DOK5: variants seen among roughly 807,000 people sequenced by gnomAD.
DOK5 encodes downstream of tyrosine kinase 5.
DOK5 carries 27 observed loss-of-function variants against 43.3 expected under a neutral mutation model. That is an observed-to-expected ratio of 0.62 (90% CI 0.46 to 0.86). The LOEUF (loss-of-function observed/expected upper bound fraction) is 0.86. Ranked by LOEUF, DOK5 falls within the 40% of genes least tolerant of loss-of-function variation. The pLI is 0.00. For missense variants in DOK5, 373 were observed against 392.9 expected (o/e 0.95, Z 0.43); for synonymous variants, 146 against 140.1 (o/e 1.04, Z -0.30).
At chr20:54,620,956 A>T (rs1986957010) in intron 6 of DOK5, among the ~76,000 whole-genome samples, 1 of 152,238 alleles carries the variant, frequency 6.6e-6, no homozygotes, top group South Asian at 2.1e-4. Flanking sequence ...GGGACAGATT[A>T]TGGCACATGA....
At chr20:54,648,595 G>A (rs536752635) in intron 7 of DOK5, among the ~76,000 whole-genome samples, 1 of 152,130 alleles carries the variant, frequency 6.6e-6, no homozygotes, top group South Asian at 2.1e-4. Flanking sequence ...TCAGAAATGA[G>A]CTGCGGGCAT....
rs1289668902 is a variant in DOK5, at chr20:54,621,560, G to T, written c.735+11037G>T. On this transcript the variant is annotated intron_variant, in intron 6 of 7. Coordinates refer to ENST00000262593, the MANE Select transcript of DOK5 (RefSeq NM_018431.5). ...TACAATTAGCCAGGCATGGTGGCAG[G>T]TGCCTGTAATCCCAGCTACTTGGGA... Among the ~76,000 whole-genome samples, 5 of 152,090 alleles carry T rather than the reference G, an allele frequency of 3.3e-5. No individual in the cohort carries two copies. The East Asian group carries it at 9.7e-4, about 29-fold the overall frequency.
At chr20:54,555,838 T>G (rs1325599231) in intron 2 of DOK5, among the ~76,000 whole-genome samples, 2 of 152,214 alleles carry the variant, frequency 1.3e-5, no homozygotes, top group African/African-American at 4.8e-5. Context: ...AAGCCTCATT[T>G]GGTGAGAATT....
chr20:54,564,198 C>T (rs1457771056), intron 2 of DOK5, among the ~76,000 whole-genome samples: 2 of 151,870 alleles, frequency 1.3e-5, no homozygotes, highest in Admixed American at 6.6e-5. Context: ...CTGAGGTGAG[C>T]GGATCATGAG....
Position 54,562,246 on chromosome 20 carries a change from A to C in DOK5, c.174+7206A>C, listed in dbSNP as rs573083165. On this transcript the variant is annotated intron_variant, in intron 2 of 7. Coordinates refer to ENST00000262593, the MANE Select transcript of DOK5 (RefSeq NM_018431.5). ...GTTCCCAGGAAATGATTCTTGGCCTACTTATACTAGTATTGCATAGTAGAA... is the reference window on the plus strand; with the variant it reads ...GTTCCCAGGAAATGATTCTTGGCCTCCTTATACTAGTATTGCATAGTAGAA... Among the ~76,000 whole-genome samples, 11 of 152,178 alleles carry C rather than the reference A, an allele frequency of 7.2e-5. 1 individual carries two copies. Among genetic ancestry groups the C allele is most frequent in the Admixed American group, 7.2e-4 (11 of 15,282 alleles).
chr20:54,560,756 G>A (rs1984875532), intron 2 of DOK5, among the ~76,000 whole-genome samples: 1 of 152,160 alleles, frequency 6.6e-6, no homozygotes, highest in South Asian at 2.1e-4. Context: ...AAGTAGCTGG[G>A]ATCACAGGCA....
At chr20:54,640,848 C>A (rs989954091) in intron 6 of DOK5, among the ~76,000 whole-genome samples, 4 of 152,156 alleles carry the variant, frequency 2.6e-5, no homozygotes, top group African/African-American at 9.7e-5. Flanking sequence ...AAATTGAGTT[C>A]TTTTCCTTCT....
intron 1 of DOK5, among the ~76,000 whole-genome samples, chr20:54,499,450 A>T (rs1982513161): frequency 6.6e-6 from 1 of 152,188 alleles, no homozygotes; most frequent in Non-Finnish European, 1.5e-5. Context: ...AGACAGACCT[A>T]GAAGTCTCAT....
intron 2 of DOK5, among the ~76,000 whole-genome samples, chr20:54,558,995 C>A (rs1228314241): frequency 6.6e-6 from 1 of 152,154 alleles, no homozygotes. Flanking sequence ...TTTCTTACTT[C>A]CTCCACGAAG....
At position 54,560,684 on chromosome 20, in the gene DOK5, G is replaced by A. The variant is rs565586657; in HGVS notation, c.174+5644G>A. On this transcript the variant is annotated intron_variant, in intron 2 of 7. Coordinates refer to ENST00000262593, the MANE Select transcript of DOK5 (RefSeq NM_018431.5). ...TGCCCAGGCTGGAGCGCAATGGCAC[G>A]ATCTCGGCTCACTGCAACCTCTGTC... Among the ~76,000 whole-genome samples, 13 of 152,202 alleles carry A rather than the reference G, an allele frequency of 8.5e-5. No individual in the cohort carries two copies. In the South Asian group the frequency reaches 1.2e-3, roughly 15 times the overall value.
chr20:54,563,507 T>C (rs989993048), intron 2 of DOK5, among the ~76,000 whole-genome samples: 5 of 152,322 alleles, frequency 3.3e-5, no homozygotes, highest in Admixed American at 1.3e-4. Flanking sequence ...TTACTTTCAA[T>C]AAATATTCTA....
chr20:54,510,681 C>T (rs1017136289), intron 1 of DOK5, among the ~76,000 whole-genome samples: 4 of 152,154 alleles, frequency 2.6e-5, no homozygotes, highest in South Asian at 2.1e-4. Context: ...GCCCAGCCCC[C>T]GCTGCCTTGC....
intron 1 of DOK5, among the ~76,000 whole-genome samples, chr20:54,515,313 A>G (rs1490756450): frequency 6.6e-6 from 1 of 152,154 alleles, no homozygotes; most frequent in African/African-American, 2.4e-5. Context: ...GTGCCCGGCC[A>G]GTTATGACTG....
At chr20:54,559,432 T>A (rs1197570110) in intron 2 of DOK5, among the ~76,000 whole-genome samples, 2 of 152,170 alleles carry the variant, frequency 1.3e-5, no homozygotes, top group South Asian at 4.1e-4. Flanking sequence ...TGTGGCTGAG[T>A]CTGCAGGGAT....
At chr20:54,625,079 T>C (rs567683240) in intron 6 of DOK5, among the ~76,000 whole-genome samples, 2 of 152,304 alleles carry the variant, frequency 1.3e-5, no homozygotes, top group South Asian at 2.1e-4. Flanking sequence ...CTGTGATACC[T>C]TGGTAACATT....
intron 1 of DOK5, among the ~76,000 whole-genome samples, chr20:54,493,726 C>T (rs746420181): frequency 2.8e-4 from 42 of 152,162 alleles, no homozygotes; most frequent in South Asian, 1.5e-3. Flanking sequence ...TGCTTGAGGC[C>T]AGGAGATTGA....
rs552875864 is a variant in DOK5, at chr20:54,648,888, G to A, written c.857-1527G>A. 4.1e-4 allele frequency among the ~76,000 whole-genome samples: 62 copies of A among 152,268 alleles called. No individual in the cohort carries two copies. The South Asian group carries it at 6.8e-3, about 17-fold the overall frequency. ...CTAACTCTCTCACCTCCTTCTCAAA[G>A]TTATCATCTCAGCAATCTTTACCCT... On this transcript the variant is annotated intron_variant, in intron 7 of 7. Coordinates refer to ENST00000262593, the MANE Select transcript of DOK5 (RefSeq NM_018431.5).
intron 1 of DOK5, among the ~76,000 whole-genome samples, chr20:54,523,994 T>C (rs186422855): frequency 2.6e-5 from 4 of 152,216 alleles, no homozygotes; most frequent in African/African-American, 7.2e-5. Context: ...ATCTCCTTCA[T>C]AGCAGGCTTG....
At chr20:54,501,373 A>G (rs6023304) in intron 1 of DOK5, among the ~76,000 whole-genome samples, 10,964 of 147,500 alleles carry the variant, frequency 0.074, 1,397 homozygotes, top group African/African-American at 0.26. Context: ...AGGTTGAGGC[A>G]GGAGAATGGC....
Sources: allele counts gnomAD v4.1 joint callset (sites outside exome capture counted in the v4.1 genomes callset), GRCh38; gene constraint gnomAD v4.1.1; transcripts MANE v1.5; gene names NCBI Gene and HGNC (gene_info 2026-07-23, HGNC 2026-07-21).